The following DCDC1 variants were observed in gnomAD, a reference collection of about 807,000 sequenced individuals.
DCDC1 encodes doublecortin domain containing 1.
In DCDC1, 200 loss-of-function variants were observed where a neutral mutation model predicts 178.3. The ratio of observed to expected loss-of-function variants is 1.12; its 90% CI spans 1.00 to 1.26. The LOEUF is 1.26. Among genes scored for constraint, DCDC1 ranks in the 50% most tolerant of loss-of-function variants. The probability of loss-of-function intolerance (pLI) is 0.00; values close to 1 mark genes in which losing one functional copy is unlikely to be tolerated. For synonymous variants in DCDC1, 690 were observed against 604.8 expected, an observed-to-expected ratio of 1.14 and a Z score of -2.07; for missense variants, 1,983 against 1,749.2, an observed-to-expected ratio of 1.13 and a Z score of -2.38.
intron 9 of DCDC1, among the ~76,000 whole-genome samples, chr11:31,202,400 AAAAAAAAAAAG>A (rs1971395169): frequency 6.9e-6 from 1 of 144,124 alleles, no homozygotes; most frequent in African/African-American, 2.5e-5. Context: ...TCATCTCCGC[AAAAAAAAAAAG>A]AAAAAAAAAA....
At chr11:31,272,460 T>C (rs1591604232) in intron 7 of DCDC1, among the ~76,000 whole-genome samples, 2 of 152,176 alleles carry the variant, frequency 1.3e-5, no homozygotes, top group Admixed American at 6.6e-5. Flanking sequence ...GTCCAAAGTT[T>C]CATCTGAGAC....
At chr11:31,088,856 G>A (rs1957630120) in intron 17 of DCDC1, among the ~76,000 whole-genome samples, 1 of 151,930 alleles carries the variant, frequency 6.6e-6, no homozygotes, top group Non-Finnish European at 1.5e-5. Flanking sequence ...GACCTTCACT[G>A]AACCTGACTA....
At chr11:31,205,340 G>A (rs1216867288) in intron 9 of DCDC1, among the ~76,000 whole-genome samples, 1 of 152,128 alleles carries the variant, frequency 6.6e-6, no homozygotes, top group Non-Finnish European at 1.5e-5. Flanking sequence ...AGCCTTTCCA[G>A]AAAAGAATTA....
intron 2 of DCDC1, among the ~76,000 whole-genome samples, chr11:31,330,711 T>C (rs1345284940): frequency 2.0e-5 from 3 of 152,192 alleles, no homozygotes; most frequent in African/African-American, 7.2e-5. Flanking sequence ...GGGCTGTAGA[T>C]GTACAGTGTT....
At chr11:31,151,590 A>G (rs1965173665) in intron 9 of DCDC1, among the ~76,000 whole-genome samples, 1 of 152,196 alleles carries the variant, frequency 6.6e-6, no homozygotes, top group African/African-American at 2.4e-5. Context: ...TTCTAATACA[A>G]TACAACAATT....
At chr11:31,293,408 C>A (rs778679744) in intron 6 of DCDC1, among the ~76,000 whole-genome samples, 2 of 152,076 alleles carry the variant, frequency 1.3e-5, no homozygotes, top group Non-Finnish European at 2.9e-5. Flanking sequence ...GTTACAGGCA[C>A]CAAGATTTAG....
chr11:31,020,480 C>T (rs1261615031), intron 20 of DCDC1, among the ~76,000 whole-genome samples: 7 of 152,140 alleles, frequency 4.6e-5, no homozygotes, highest in African/African-American at 1.7e-4. Context: ...TCAACTCTCC[C>T]CCATCTCTTA....
chr11:31,323,645 T>C (rs1949493966), intron 3 of DCDC1, among the ~76,000 whole-genome samples: 1 of 152,126 alleles, frequency 6.6e-6, no homozygotes, highest in South Asian at 2.1e-4. Flanking sequence ...TTTATTATAG[T>C]ACCATTTTAA....
At chr11:31,065,442 T>G (rs1190738215) in intron 18 of DCDC1, among the ~76,000 whole-genome samples, 1 of 152,142 alleles carries the variant, frequency 6.6e-6, no homozygotes, top group Non-Finnish European at 1.5e-5. Context: ...ATAGCTAAAT[T>G]TATTGAGTTA....
intron 11 of DCDC1, among the ~76,000 whole-genome samples, chr11:31,125,750 G>A (rs1205367108): frequency 6.6e-6 from 1 of 152,074 alleles, no homozygotes; most frequent in Non-Finnish European, 1.5e-5. Flanking sequence ...ATAGGGAGGG[G>A]ATCAACACAC....
intron 7 of DCDC1, among the ~76,000 whole-genome samples, chr11:31,286,202 G>A (rs573871301): frequency 1.3e-5 from 1 of 75,664 alleles, no homozygotes; most frequent in Non-Finnish European, 2.4e-5. Flanking sequence ...TTTAAGTGGG[G>A]CCTAGAGTCT....
At chr11:30,873,117 C>A (rs1419106645) in intron 38 of DCDC1, among the ~76,000 whole-genome samples, 1 of 150,776 alleles carries the variant, frequency 6.6e-6, no homozygotes, top group Non-Finnish European at 1.5e-5. Flanking sequence ...CTCTCTCTCT[C>A]TCTATCTTCT....
intron 22 of DCDC1, among the ~76,000 whole-genome samples, chr11:30,931,137 A>G (rs1415249191): frequency 6.6e-6 from 1 of 152,130 alleles, no homozygotes; most frequent in African/African-American, 2.4e-5. Context: ...GAGCTCTTCA[A>G]TGATCTATGA....
chr11:31,120,043 G>T (rs1161649228), intron 11 of DCDC1, among the ~76,000 whole-genome samples: 1 of 152,108 alleles, frequency 6.6e-6, no homozygotes, highest in Non-Finnish European at 1.5e-5. Context: ...ATAATATGTG[G>T]ATTTACTGGA....
At chr11:31,017,943 G>A (rs375484621) in intron 20 of DCDC1, among the ~76,000 whole-genome samples, 17 of 152,182 alleles carry the variant, frequency 1.1e-4, no homozygotes, top group South Asian at 4.1e-4. Flanking sequence ...CAATAAGATC[G>A]GATATGTTTC....
chr11:31,219,763 T>C (rs1336218025), intron 9 of DCDC1, among the ~76,000 whole-genome samples: 2 of 152,324 alleles, frequency 1.3e-5, no homozygotes, highest in Non-Finnish European at 2.9e-5. Flanking sequence ...TTGTTTTCTA[T>C]AAGCCAGGCA....
At chr11:31,309,085 CAATT>C (rs1948618768) in intron 3 of DCDC1, among the ~76,000 whole-genome samples, 1 of 151,658 alleles carries the variant, frequency 6.6e-6, no homozygotes, top group Non-Finnish European at 1.5e-5. Flanking sequence ...GTAAAATGGT[CAATT>C]ATTTCCTCTG....
At chr11:31,005,059 A>G (rs1951766951) in intron 20 of DCDC1, among the ~76,000 whole-genome samples, 1 of 152,168 alleles carries the variant, frequency 6.6e-6, no homozygotes, top group Non-Finnish European at 1.5e-5. Flanking sequence ...ATATCTCTCT[A>G]ACATAATTAA....
intron 8 of DCDC1, among the ~76,000 whole-genome samples, chr11:31,259,679 G>A (rs1402862374): frequency 6.6e-6 from 1 of 152,102 alleles, no homozygotes; most frequent in East Asian, 1.9e-4. Flanking sequence ...AGTGTGCACT[G>A]GTCAATTTTT....
Sources: gnomAD v4.1 joint callset for allele counts (sites outside exome capture counted in the v4.1 genomes callset) on GRCh38, gnomAD v4.1.1 for gene constraint, MANE v1.5 for transcripts, NCBI Gene and HGNC (gene_info 2026-07-23, HGNC 2026-07-21) for gene names.